The following SEMA5A variants were observed in gnomAD, a reference collection of about 807,000 sequenced individuals.
SEMA5A encodes semaphorin 5A.
A neutral mutation model predicts 135.5 loss-of-function variants in SEMA5A; 55 were observed. That is an observed-to-expected ratio of 0.41 (90% confidence interval 0.33 to 0.51). The LOEUF is 0.51. SEMA5A is among the 20% of genes least tolerant of loss of function. The pLI is 0.37. For synonymous variants in SEMA5A, 580 were observed against 546.5 expected, an observed-to-expected ratio of 1.06 and a Z score of -0.85; for missense variants, 1,290 against 1,419.9, an observed-to-expected ratio of 0.91 and a Z score of 1.47.
chr5:9,352,609 T>C (rs1212915662), intron 3 of SEMA5A, among the ~76,000 whole-genome samples: 2 of 152,240 alleles, frequency 1.3e-5, no homozygotes, highest in African/African-American at 4.8e-5. Context: ...CTATATTCTA[T>C]CATTCTTCTA....
At chr5:9,087,016 A>C (rs1288091421) in intron 16 of SEMA5A, among the ~76,000 whole-genome samples, 1 of 151,784 alleles carries the variant, frequency 6.6e-6, no homozygotes. Context: ...ACTTCTGTGG[A>C]CTTCTCTCTA....
intron 1 of SEMA5A, among the ~76,000 whole-genome samples, chr5:9,524,705 A>T (rs2126879113): frequency 6.6e-6 from 1 of 152,330 alleles, no homozygotes; most frequent in Non-Finnish European, 1.5e-5. Flanking sequence ...AATAATGATG[A>T]AAGTCCCCTT....
At chr5:9,082,166 T>A (rs1456208571) in intron 16 of SEMA5A, among the ~76,000 whole-genome samples, 1 of 152,190 alleles carries the variant, frequency 6.6e-6, no homozygotes, top group Admixed American at 6.5e-5. Flanking sequence ...ACAATCGATT[T>A]ACTGATTTAA....
chr5:9,257,888 T>G (rs770453410), intron 5 of SEMA5A, among the ~76,000 whole-genome samples: 1 of 152,066 alleles, frequency 6.6e-6, no homozygotes, highest in Non-Finnish European at 1.5e-5. Context: ...CTGTACCCAG[T>G]AACTGAGGCC....
intron 3 of SEMA5A, among the ~76,000 whole-genome samples, chr5:9,359,684 C>T (rs369878778): frequency 2.0e-5 from 3 of 152,084 alleles, no homozygotes; most frequent in South Asian, 2.1e-4. Context: ...CAATTAATTC[C>T]GTCTTTATAT....
At position 9,337,710 on chromosome 5, in the gene SEMA5A, C is replaced by T; in HGVS notation, c.224+3G>A. 7.5e-6 allele frequency: 12 copies of T among 1,601,300 alleles called. No homozygotes were observed. Among genetic ancestry groups the T allele is most frequent in the African/African-American group, 1.3e-5 (1 of 74,784 alleles). ...TGTGGTGGCAAAATACAATATCTCT[C>T]ACCTTGCTCCTACAACAAGTTCTTT... On this transcript the variant is annotated splice_donor_region_variant and intron_variant, in intron 4 of 22. Transcript: ENST00000382496.
At chr5:9,312,296 G>A (rs1266572043) in intron 5 of SEMA5A, among the ~76,000 whole-genome samples, 1 of 148,146 alleles carries the variant, frequency 6.8e-6, no homozygotes, top group Non-Finnish European at 1.5e-5. Flanking sequence ...GCCTGAAAAT[G>A]ACTGGTTTTC....
chr5:9,136,358 G>A, intron 13 of SEMA5A, 146 bp downstream of exon 13: 1 of 634,300 alleles, frequency 1.6e-6, no homozygotes, highest in Non-Finnish European at 2.8e-6. Context: ...CAAGAGCTGA[G>A]TGATCTGAGA....
At chr5:9,341,434 G>A (rs1198164425) in intron 3 of SEMA5A, among the ~76,000 whole-genome samples, 2 of 151,876 alleles carry the variant, frequency 1.3e-5, no homozygotes, top group East Asian at 3.9e-4. Flanking sequence ...AGGGCAATTG[G>A]TCACAAACTA....
Position 9,154,702 on chromosome 5 carries a change from A to T in SEMA5A, c.1274-7T>A, listed in dbSNP as rs777524410. On this transcript the variant is annotated splice_region_variant and splice_polypyrimidine_tract_variant and intron_variant, in intron 11 of 22. Transcript: ENST00000382496. ...TTCTTAATGGTTCCGTAATCTATGAAGGTCACAGGATGAAAAGGAAACAAG... is the reference window on the plus strand; with the variant it reads ...TTCTTAATGGTTCCGTAATCTATGATGGTCACAGGATGAAAAGGAAACAAG... 1 of 1,612,758 alleles carries T rather than the reference A, an allele frequency of 6.2e-7. No individual in the cohort carries two copies. The highest frequency in any genetic ancestry group is 1.1e-5 in the South Asian group (1 of 91,044).
intron 5 of SEMA5A, among the ~76,000 whole-genome samples, chr5:9,291,610 A>G (rs1430568612): frequency 6.9e-6 from 1 of 144,284 alleles, no homozygotes; most frequent in Non-Finnish European, 1.6e-5. Context: ...AGAGAAAGAG[A>G]GAGAGAGAGA....
chr5:9,382,718 C>G (rs1251361864), intron 2 of SEMA5A, among the ~76,000 whole-genome samples: 2 of 152,154 alleles, frequency 1.3e-5, no homozygotes, highest in Admixed American at 1.3e-4. Flanking sequence ...ATACTCAGCT[C>G]TATGCATGTA....
intron 5 of SEMA5A, among the ~76,000 whole-genome samples, chr5:9,290,823 G>C (rs1483286938): frequency 6.6e-6 from 1 of 151,962 alleles, no homozygotes; most frequent in African/African-American, 2.4e-5. Flanking sequence ...GAAAATAATG[G>C]TTCTTTCCCA....
intron 16 of SEMA5A, among the ~76,000 whole-genome samples, chr5:9,079,167 C>T (rs1482508760): frequency 1.3e-5 from 2 of 152,040 alleles, no homozygotes; most frequent in African/African-American, 4.8e-5. Context: ...TTAAAACTAA[C>T]ACTCCTTAGC....
intron 2 of SEMA5A, among the ~76,000 whole-genome samples, chr5:9,430,832 G>GT (rs975083702): frequency 6.6e-5 from 10 of 151,432 alleles, no homozygotes; most frequent in South Asian, 2.1e-4. Flanking sequence ...TTTAAACCAA[G>GT]TTTTTTTTGT....
chr5:9,064,204 T>G (rs1387652890), intron 17 of SEMA5A, among the ~76,000 whole-genome samples: 1 of 152,206 alleles, frequency 6.6e-6, no homozygotes, highest in African/African-American at 2.4e-5. Flanking sequence ...AGAAAAACTA[T>G]GCACAAATCA....
intron 1 of SEMA5A, among the ~76,000 whole-genome samples, chr5:9,536,539 G>C (rs908221428): frequency 6.6e-6 from 1 of 151,810 alleles, no homozygotes; most frequent in African/African-American, 2.4e-5. Flanking sequence ...CTTGAACCCG[G>C]GAGGCAGAGG....
intron 18 of SEMA5A, among the ~76,000 whole-genome samples, chr5:9,059,540 A>G (rs1737070006): frequency 6.6e-6 from 1 of 152,122 alleles, no homozygotes; most frequent in South Asian, 2.1e-4. Context: ...GTGTTTTTAT[A>G]TTCTCTGGTT....
At chr5:9,125,941 C>A (rs976001123) in intron 13 of SEMA5A, among the ~76,000 whole-genome samples, 1 of 152,138 alleles carries the variant, frequency 6.6e-6, no homozygotes, top group East Asian at 1.9e-4. Context: ...TCACTGTGAG[C>A]AAACGTAGTT....
Sources: gnomAD v4.1 joint callset for allele counts (sites outside exome capture counted in the v4.1 genomes callset) on GRCh38, gnomAD v4.1.1 for gene constraint, MANE v1.5 for transcripts, NCBI Gene and HGNC (gene_info 2026-07-23, HGNC 2026-07-21) for gene names.